Variants in GPC3 observed in about 807,000 individuals in gnomAD.
The protein encoded by GPC3 is glypican-3.
A neutral mutation model predicts 34.4 loss-of-function variants in GPC3; 3 were observed. That is an observed-to-expected ratio of 0.09 (90% confidence interval 0.04 to 0.23). GPC3 has a LOEUF of 0.23. GPC3 is among the 10% of genes least tolerant of loss of function. The pLI is 1.00. For synonymous variants in GPC3, 177 were observed against 174.0 expected, an observed-to-expected ratio of 1.02 and a Z score of -0.13; for missense variants, 351 against 445.6, an observed-to-expected ratio of 0.79 and a Z score of 1.91.
intron 2 of GPC3, among the ~76,000 whole-genome samples, chrX:133,881,979 C>A (rs750961091): frequency 8.9e-6 from 1 of 112,615 alleles, no homozygotes; most frequent in East Asian, 2.8e-4. Flanking sequence ...CCCTTCGCGC[C>A]GTGCCTCCTG....
intron 2 of GPC3, among the ~76,000 whole-genome samples, chrX:133,787,411 AT>A (rs924062107): frequency 4.4e-5 from 5 of 112,397 alleles, no homozygotes; most frequent in Non-Finnish European, 9.4e-5. Flanking sequence ...AACTTTCAGG[AT>A]TTTTTTCCCC....
At chrX:133,672,645 GTGTT>G (rs749158884) in intron 5 of GPC3, among the ~76,000 whole-genome samples, 4 of 111,774 alleles carry the variant, frequency 3.6e-5, no homozygotes, top group East Asian at 5.6e-4. Flanking sequence ...TTTACCTGGT[GTGTT>G]TGTTTGTTTG....
At chrX:133,631,538 T>C (rs1036056842) in intron 6 of GPC3, among the ~76,000 whole-genome samples, 4 of 112,175 alleles carry the variant, frequency 3.6e-5, no homozygotes, top group Non-Finnish European at 7.5e-5. Flanking sequence ...CCAATAACTT[T>C]TGGCTATTAT....
At chrX:133,583,552 A>G (rs902977552) in intron 7 of GPC3, among the ~76,000 whole-genome samples, 1 of 110,541 alleles carries the variant, frequency 9.0e-6, no homozygotes, top group Non-Finnish European at 1.9e-5. Flanking sequence ...TTTAGTAGAG[A>G]CGGGATGTTG....
At position 133,907,045 on chromosome X, in the gene GPC3, G is replaced by A. The variant is rs923060435; in HGVS notation, c.337+46005C>T. 1.1e-4 allele frequency among the ~76,000 whole-genome samples: 12 copies of A among 108,758 alleles called. No individual in the cohort carries two copies. In the South Asian group the frequency reaches 4.5e-3, roughly 41 times the overall value. The allele number at this position is 108,758 out of a possible 115,157, so 94.4% of individuals were successfully genotyped here. ...GAACCCGGGAGGCGGAGCTTGCAGT[G>A]AGCCGAGATCGCACCACTGCACTCC... On this transcript the variant is annotated intron_variant, in intron 2 of 7. Coordinates refer to ENST00000370818, the MANE Select transcript of GPC3 (RefSeq NM_004484.4).
chrX:133,792,461 T>G (rs935090412), intron 2 of GPC3, among the ~76,000 whole-genome samples: 1 of 111,607 alleles, frequency 9.0e-6, no homozygotes, highest in Non-Finnish European at 1.9e-5. Flanking sequence ...TGAAAGACTA[T>G]GGACCATGGC....
chrX:133,760,971 T>C (rs955368592), intron 2 of GPC3, among the ~76,000 whole-genome samples: 2 of 99,890 alleles, frequency 2.0e-5, no homozygotes, highest in South Asian at 7.7e-4. Context: ...ATCTTTTAAA[T>C]TTTTTTTTTT....
At chrX:133,755,196 T>C (rs974657615) in intron 2 of GPC3, among the ~76,000 whole-genome samples, 1 of 112,079 alleles carries the variant, frequency 8.9e-6, no homozygotes. Context: ...CTGAGACACT[T>C]AAAATTAACT....
chrX:133,765,901 C>T (rs752573817), intron 2 of GPC3, among the ~76,000 whole-genome samples: 1 of 111,895 alleles, frequency 8.9e-6, no homozygotes. Context: ...CATTTATACA[C>T]ATACCCCCTC....
chrX:133,917,792 G>C (rs1302490674), intron 2 of GPC3, among the ~76,000 whole-genome samples: 1 of 111,561 alleles, frequency 9.0e-6, no homozygotes, highest in African/African-American at 3.3e-5. Flanking sequence ...AAATACTGCT[G>C]GTTCATCATT....
intron 2 of GPC3, among the ~76,000 whole-genome samples, chrX:133,813,842 G>A (rs1309753593): frequency 8.9e-6 from 1 of 112,066 alleles, no homozygotes; most frequent in Non-Finnish European, 1.9e-5. Flanking sequence ...TGTAGACCCA[G>A]ATTTGGGCAG....
At chrX:133,536,750 G>T (rs1218543865) in intron 7 of GPC3, among the ~76,000 whole-genome samples, 1 of 111,100 alleles carries the variant, frequency 9.0e-6, no homozygotes, top group East Asian at 2.8e-4. Flanking sequence ...TGGGGAGGGG[G>T]TGCTGTGGGT....
At chrX:133,946,643 G>A (rs181523584) in intron 2 of GPC3, among the ~76,000 whole-genome samples, 2 of 110,753 alleles carry the variant, frequency 1.8e-5, no homozygotes, top group African/African-American at 6.6e-5. Flanking sequence ...TGCTGAACTG[G>A]GAAGCAAGGG....
chrX:133,747,954 A>G (rs1282714730), intron 3 of GPC3, among the ~76,000 whole-genome samples: 1 of 112,398 alleles, frequency 8.9e-6, no homozygotes, highest in Non-Finnish European at 1.9e-5. Flanking sequence ...TAACTCTGAG[A>G]AATGCTGAGA....
intron 1 of GPC3, among the ~76,000 whole-genome samples, chrX:133,962,227 C>T (rs2076444634): frequency 8.9e-6 from 1 of 112,148 alleles, no homozygotes; most frequent in South Asian, 3.7e-4. Context: ...CCATTGAATT[C>T]CCACGGAACT....
chrX:133,886,888 G>A (rs1335493975), intron 2 of GPC3, among the ~76,000 whole-genome samples: 2 of 112,736 alleles, frequency 1.8e-5, no homozygotes, highest in East Asian at 5.5e-4. Flanking sequence ...TGGCTTTTGT[G>A]AATAATGCTG....
intron 2 of GPC3, among the ~76,000 whole-genome samples, chrX:133,788,949 T>C (rs1326737985): frequency 9.0e-6 from 1 of 110,679 alleles, no homozygotes; most frequent in Non-Finnish European, 1.9e-5. Flanking sequence ...TATGTGATGA[T>C]AATGAAGGAT....
intron 2 of GPC3, among the ~76,000 whole-genome samples, chrX:133,779,145 A>G (rs1411302433): frequency 8.9e-6 from 1 of 111,803 alleles, no homozygotes; most frequent in African/African-American, 3.3e-5. Flanking sequence ...TCCTTCCTAA[A>G]TTGCTTTCCC....
chrX:133,559,119 G>A (rs931925099), intron 7 of GPC3, among the ~76,000 whole-genome samples: 1 of 107,321 alleles, frequency 9.3e-6, no homozygotes, highest in Non-Finnish European at 1.9e-5. Context: ...ACAAAATCTC[G>A]CTCTGTCATC....
Sources: gnomAD v4.1 joint callset for allele counts (sites outside exome capture counted in the v4.1 genomes callset) on GRCh38, gnomAD v4.1.1 for gene constraint, MANE v1.5 for transcripts, NCBI Gene and HGNC (gene_info 2026-07-23, HGNC 2026-07-21) for gene names.